The following TMPRSS13 variants were observed in gnomAD, a reference collection of about 807,000 sequenced individuals.
TMPRSS13 encodes the protein transmembrane serine protease 13, also known as transmembrane protease serine 13.
In TMPRSS13, 50 loss-of-function variants were observed where a neutral mutation model predicts 68.4. The ratio of observed to expected loss-of-function variants is 0.73; its 90% CI spans 0.58 to 0.93. The LOEUF (loss-of-function observed/expected upper bound fraction) is 0.93, where lower values mean the gene tolerates loss of function less well. Ranked by LOEUF, TMPRSS13 falls within the 40% of genes least tolerant of loss-of-function variation. TMPRSS13 has a pLI of 0.00. For synonymous variants in TMPRSS13, 267 were observed against 285.8 expected (o/e 0.93, Z 0.66); for missense variants, 615 against 729.2 (o/e 0.84, Z 1.80).
chr11:117,911,724 C>A, intron 6 of TMPRSS13, 44 bp downstream of exon 6: 1 of 1,550,026 alleles, frequency 6.5e-7, no homozygotes. Context: ...CCTACCCACT[C>A]CTTCCCCTGC....
At chr11:117,927,795 A>G (rs1837242111) in intron 1 of TMPRSS13, among the ~76,000 whole-genome samples, 1 of 152,246 alleles carries the variant, frequency 6.6e-6, no homozygotes, top group Admixed American at 6.5e-5. Context: ...AACCTTAAAT[A>G]AGAATGTAAT....
chr11:117,903,584 G>T, intron 12 of TMPRSS13, 71 bp downstream of exon 12: 1 of 1,608,706 alleles, frequency 6.2e-7, no homozygotes, highest in Non-Finnish European at 8.5e-7. Flanking sequence ...CAACCTGGGT[G>T]CTCCTCCAGG....
At position 117,922,764 on chromosome 11, in the gene TMPRSS13, C is replaced by T. The variant is rs1456955276; in HGVS notation, c.22-3926G>A. ...GAGTGTGGTCAACTCTGAGCCACATCCCTGGCCTAACCTTGCCAACCATTC... is the reference window on the plus strand; with the variant it reads ...GAGTGTGGTCAACTCTGAGCCACATTCCTGGCCTAACCTTGCCAACCATTC... On this transcript the variant is annotated intron_variant, in intron 1 of 12. Transcript: ENST00000524993. This position sits in a 1 kb window ranked among gnomAD's most constrained non-coding sequence, Gnocchi z 4.2. Among the ~76,000 whole-genome samples, 1 of 152,238 alleles carries T rather than the reference C, an allele frequency of 6.6e-6. No individual in the cohort carries two copies. The highest frequency in any genetic ancestry group is 1.5e-5 in the Non-Finnish European group (1 of 68,040).
At chr11:117,910,108 A>G (rs1336546872) in intron 7 of TMPRSS13, 140 bp from the exon 8 acceptor site, 40 of 1,005,380 alleles carry the variant, frequency 4.0e-5, no homozygotes, top group Non-Finnish European at 5.5e-5. Flanking sequence ...CCACCCTTCC[A>G]TGGACGGGCT....
rs543338491 is a variant in TMPRSS13 at position 117,903,086 on chromosome 11, G to C, written c.1677+569C>G. 5.9e-5 allele frequency: 71 copies of C among 1,198,430 alleles called. No homozygotes were observed. In the African/African-American group the frequency reaches 1.1e-3, roughly 18 times the overall value. 74.2% of individuals were successfully genotyped at this position (1,198,430 alleles called of 1,614,324 possible). A position where few individuals can be genotyped will look rare whatever the true frequency, so the allele number is the denominator to read the frequency against. ...TACTTTATACTCTTTTATGATAGTAGTGAGGTTCTGATGAAATATTTTAAG... is the reference window on the plus strand; with the variant it reads ...TACTTTATACTCTTTTATGATAGTACTGAGGTTCTGATGAAATATTTTAAG... On this transcript the variant is annotated intron_variant, in intron 12 of 12. Transcript: ENST00000524993.
At position 117,918,381 on chromosome 11, in the gene TMPRSS13, C is replaced by T. The variant is rs373686950; in HGVS notation, c.451+28G>A. 6.9e-4 allele frequency: 1,102 copies of T among 1,606,176 alleles called. 13 individuals are homozygous for T. The South Asian group carries it at 0.011, about 17-fold the overall frequency. On this transcript the variant is annotated intron_variant, in intron 2 of 12. Coordinates refer to ENST00000524993, the MANE Select transcript of TMPRSS13 (RefSeq NM_001077263.3). The stretch of plus-strand genomic sequence containing the variant: ...TGCCCATGGGCTGCTTCCCATCTCT[C>T]GTGGCTTCCCTACAGCATCCCCCTT...
chr11:117,913,368 C>G (rs577845129), intron 5 of TMPRSS13, among the ~76,000 whole-genome samples: 114 of 152,318 alleles, frequency 7.5e-4, no homozygotes, highest in African/African-American at 2.7e-3. Context: ...GACACAGTAG[C>G]TATAGCTCAA....
rs1160219358 is a variant in TMPRSS13 at position 117,914,773 on chromosome 11, C to G, written c.557-259G>C. Among the ~76,000 whole-genome samples, 2 of 152,054 alleles carry G rather than the reference C, an allele frequency of 1.3e-5. No individual in the cohort carries two copies. Among genetic ancestry groups the G allele is most frequent in the Admixed American group, 6.6e-5 (1 of 15,264 alleles). ...AAAGAGAGAGAAAGAGAGAGAGAGA[C>G]AGAGAGTGCTGTGGAGATGGGGACC... On this transcript the variant is annotated intron_variant, in intron 3 of 12. Transcript: ENST00000524993. This position sits in a 1 kb window ranked among gnomAD's most constrained non-coding sequence, Gnocchi z 4.2.
chr11:117,927,614 A>C (rs750306419), intron 1 of TMPRSS13, among the ~76,000 whole-genome samples: 10 of 152,134 alleles, frequency 6.6e-5, no homozygotes, highest in Admixed American at 6.5e-4. Context: ...ATCACAATGC[A>C]TCTCTCTGCA....
At position 117,910,621 on chromosome 11, in the gene TMPRSS13, C is replaced by G. The variant is rs909308071; in HGVS notation, c.946+86G>C. The G allele has an allele frequency of 1.7e-5, 23 of 1,388,982 alleles. No homozygotes were observed. In the Admixed American group the frequency reaches 4.4e-4, roughly 26 times the overall value. The allele number at this position is 1,388,982 out of a possible 1,614,324, so 86.0% of individuals were successfully genotyped here. On this transcript the variant is annotated intron_variant, in intron 7 of 12. Transcript: ENST00000524993. Reference sequence around the variant, plus strand: ...CTGTTCCTGACTTGAACCCCTGTGCCAAACACCTCCCTTGGAGGAGTGCTG... The same window carrying G: ...CTGTTCCTGACTTGAACCCCTGTGCGAAACACCTCCCTTGGAGGAGTGCTG...
chr11:117,908,011 C>A, intron 9 of TMPRSS13: 4 of 991,918 alleles, frequency 4.0e-6, no homozygotes, highest in Non-Finnish European at 4.8e-6. Context: ...TTAGCAACAA[C>A]GTTGTAGCAA....
chr11:117,925,160 G>A (rs1337107124), intron 1 of TMPRSS13, among the ~76,000 whole-genome samples: 2 of 152,230 alleles, frequency 1.3e-5, no homozygotes, highest in African/African-American at 2.4e-5. Flanking sequence ...GGGGACTGTG[G>A]TGGGCTCTGA....
At chr11:117,903,223 C>A in intron 12 of TMPRSS13, 2 of 1,347,256 alleles carry the variant, frequency 1.5e-6, no homozygotes, top group South Asian at 1.7e-5. Context: ...ACAACAACAA[C>A]AAAAAGAAAA....
chr11:117,918,185 T>G (rs757021067), intron 2 of TMPRSS13, among the ~76,000 whole-genome samples: 1 of 152,132 alleles, frequency 6.6e-6, no homozygotes, highest in East Asian at 1.9e-4. Context: ...TAGTCCTGGC[T>G]TCTTATCACC....
intron 6 of TMPRSS13, 60 bp downstream of exon 6, chr11:117,911,708 C>T: frequency 7.0e-7 from 1 of 1,428,526 alleles, no homozygotes; most frequent in Non-Finnish European, 9.8e-7. Flanking sequence ...GACTCAAAGA[C>T]CCTCTCCTAC....
Position 117,908,613 on chromosome 11 carries a change from G to A in TMPRSS13, c.1281C>T (p.Ser427=), listed in dbSNP as rs750319093. ...AGCGGGGAGTGCAGATTCCCTCACC[G>A]GACAGGGTCAGGGGCTTGGACAGCC... ...LMRLSKPLTL[S]AHIHPACLPM... The change falls in exon 9 of 13, where the codon TCC becomes TCT. Residue 427 remains serine, a splice_region_variant and synonymous_variant. Transcript: ENST00000524993. 5.8e-6 allele frequency: 9 copies of A among 1,559,828 alleles called. No individual in the cohort carries two copies. Among genetic ancestry groups the A allele is most frequent in the South Asian group, 4.7e-5 (4 of 84,696 alleles).
At chr11:117,909,248 T>C (rs1295890114) in intron 8 of TMPRSS13, among the ~76,000 whole-genome samples, 3 of 152,194 alleles carry the variant, frequency 2.0e-5, no homozygotes, top group Admixed American at 6.5e-5. Context: ...TCAGTATTAT[T>C]ACCCTCAGCA....
intron 10 of TMPRSS13, 126 bp from the exon 11 acceptor site, chr11:117,904,227 G>A: frequency 7.6e-7 from 1 of 1,318,832 alleles, no homozygotes; most frequent in East Asian, 2.5e-5. Flanking sequence ...AGGGTGCCAT[G>A]CCCGTGCCTG....
rs1230979274 is a variant in TMPRSS13 at position 117,901,164 on chromosome 11, AG to A, written c.*1074del. 1 of 152,526 alleles carries A rather than the reference AG, an allele frequency of 6.6e-6. No individual in the cohort carries two copies. The highest frequency in any genetic ancestry group is 1.5e-5 in the Non-Finnish European group (1 of 68,060). The allele number at this position is 152,526 out of a possible 1,614,324, so 9.4% of individuals were successfully genotyped here. A position where few individuals can be genotyped will look rare whatever the true frequency, so the allele number is the denominator to read the frequency against. On this transcript the variant is annotated 3_prime_UTR_variant, in exon 13 of 13. Transcript: ENST00000524993. ...AGCTGAGAAGAAATCCCAAAGTCCC[AG>A]GACAGCTACTGGGAATGAGAGAGGC... is the stretch of plus-strand genomic sequence containing the variant.
Sources: allele counts gnomAD v4.1 joint callset (sites outside exome capture counted in the v4.1 genomes callset), GRCh38; gene constraint gnomAD v4.1.1; non-coding constraint Gnocchi (gnomAD v3.1); transcripts MANE v1.5; gene names NCBI Gene and HGNC (gene_info 2026-07-23, HGNC 2026-07-21).